CIB1: variants seen among roughly 807,000 people sequenced by gnomAD.
The protein encoded by CIB1 is calcium and integrin-binding protein 1.
CIB1 carries 19 observed loss-of-function variants against 25.0 expected under a neutral mutation model. That is an observed-to-expected ratio of 0.76 (90% CI 0.53 to 1.12). The LOEUF (loss-of-function observed/expected upper bound fraction) is 1.12. Among genes scored for constraint, CIB1 ranks in the 50% most tolerant of loss-of-function variants. CIB1 has a pLI of 0.00. For synonymous variants in CIB1, 104 were observed against 98.5 expected, an observed-to-expected ratio of 1.06 and a Z score of -0.33; for missense variants, 236 against 242.6, an observed-to-expected ratio of 0.97 and a Z score of 0.18.
At chr15:90,256,652 C>A in the CIB1 span, among the ~76,000 whole-genome samples, 1 of 135,404 alleles carries the variant, frequency 7.4e-6, no homozygotes, top group Non-Finnish European at 1.6e-5. Flanking sequence ...TTTCTTTCTC[C>A]CTTTCCTTCC....
Position 90,231,423 on chromosome 15 carries a change from G to C in CIB1, c.280C>G (p.Leu94Val). The change falls in exon 4 of 7, where the codon CTC becomes GTC. Residue 94 changes from leucine to valine, a missense_variant. Leu to Val is a conservative substitution (Grantham distance 32). Coordinates refer to ENST00000328649, the MANE Select transcript of CIB1 (RefSeq NM_006384.4). ...GCTGTGTCACTGAACACACTGAGGA[G>C]ATCCAGGAAGTCCTCAAAGCTAAGG... ...DSLSFEDFLD[L>V]LSVFSDTATP... 6.2e-7 allele frequency: 1 copy of C among 1,614,220 alleles called. No individual in the cohort carries two copies. Among genetic ancestry groups the C allele is most frequent in the Non-Finnish European group, 8.5e-7 (1 of 1,180,020 alleles).
At chr15:90,244,138 A>T in the CIB1 span, 1 of 152,156 alleles carries the variant, frequency 6.6e-6, no homozygotes, top group African/African-American at 2.4e-5. Context: ...TGGAGTCGGG[A>T]CTGCAGCACA....
At chr15:90,234,916 AGGAGGAAGT>A (rs890142141), upstream of CIB1, among the ~76,000 whole-genome samples, 40 of 152,330 alleles carry the variant, frequency 2.6e-4, no homozygotes, top group African/African-American at 9.4e-4. Context: ...AACTGCTGGG[AGGAGGAAGT>A]GGAGGTTGTG....
chr15:90,238,114 A>C (rs1474596086), upstream of CIB1, among the ~76,000 whole-genome samples: 1 of 152,156 alleles, frequency 6.6e-6, no homozygotes, highest in Non-Finnish European at 1.5e-5. Context: ...AGCCTGGCCA[A>C]CATGGTGAAA....
chr15:90,260,850 C>CAAAAA, the CIB1 span, among the ~76,000 whole-genome samples: 5 of 60,246 alleles, frequency 8.3e-5, no homozygotes, highest in African/African-American at 2.6e-4. Flanking sequence ...GACTCTGTCT[C>CAAAAA]AAAAAAAAAA....
At chr15:90,230,749 G>A (rs1488306139) in intron 6 of CIB1, among the ~76,000 whole-genome samples, 185 bp downstream of exon 6, 2 of 152,110 alleles carry the variant, frequency 1.3e-5, no homozygotes, top group South Asian at 2.1e-4. Context: ...GCAGTGGGAA[G>A]GGGAGAGGTC....
the CIB1 span, chr15:90,241,731 C>T: frequency 3.7e-6 from 6 of 1,614,096 alleles, no homozygotes; most frequent in Non-Finnish European, 5.1e-6. Context: ...CAGGGTATGT[C>T]GGGCCACTGA....
chr15:90,247,935 G>A, the CIB1 span, among the ~76,000 whole-genome samples: 8 of 151,778 alleles, frequency 5.3e-5, no homozygotes, highest in Non-Finnish European at 1.2e-4. Flanking sequence ...TAGAGAGGGG[G>A]TTTCACCGTG....
chr15:90,250,018 T>G, the CIB1 span, among the ~76,000 whole-genome samples: 1 of 151,844 alleles, frequency 6.6e-6, no homozygotes, highest in Admixed American at 6.6e-5. Context: ...AGTGCAGTGG[T>G]GTGATCTCGG....
chr15:90,247,147 TG>T, the CIB1 span, among the ~76,000 whole-genome samples: 1 of 151,324 alleles, frequency 6.6e-6, no homozygotes, highest in African/African-American at 2.5e-5. Context: ...AGCTAATTTT[TG>T]TATTTTTAGT....
At chr15:90,243,113 G>A in the CIB1 span, 4 of 152,210 alleles carry the variant, frequency 2.6e-5, no homozygotes, top group East Asian at 1.9e-4. Context: ...ATGTTAGCAC[G>A]GTAATAGTGC....
chr15:90,253,213 T>C, the CIB1 span: 1 of 1,565,110 alleles, frequency 6.4e-7, no homozygotes, highest in Non-Finnish European at 8.8e-7. Context: ...GTTGCTGGTG[T>C]CCATGCTGGC....
upstream of CIB1, chr15:90,234,146 A>C: frequency 1.1e-4 from 24 of 221,138 alleles, no homozygotes; most frequent in South Asian, 1.7e-4. Context: ...CCCGGGACTC[A>C]CGGCCCCGCC....
chr15:90,247,210 G>A, the CIB1 span, among the ~76,000 whole-genome samples: 7 of 151,234 alleles, frequency 4.6e-5, 1 homozygote, highest in South Asian at 8.3e-4. Context: ...TCCTGACCTC[G>A]TGATCCACCT....
At chr15:90,258,083 C>A in the CIB1 span, 1 of 1,614,220 alleles carries the variant, frequency 6.2e-7, no homozygotes, top group Non-Finnish European at 8.5e-7. Context: ...ACAGCTACAA[C>A]CCTGGAGAGC....
At chr15:90,258,689 C>A in the CIB1 span, 1 of 1,448,196 alleles carries the variant, frequency 6.9e-7, no homozygotes, top group Non-Finnish European at 9.7e-7. Flanking sequence ...TGCAAGAGGC[C>A]ACCACCTGCT....
chr15:90,257,792 C>G, the CIB1 span: 7 of 1,477,270 alleles, frequency 4.7e-6, no homozygotes, highest in Non-Finnish European at 5.7e-6. Context: ...CCCATGAAAC[C>G]AAGCTGGCTC....
At chr15:90,238,267 T>C (rs1276053669), upstream of CIB1, among the ~76,000 whole-genome samples, 1 of 152,218 alleles carries the variant, frequency 6.6e-6, no homozygotes, top group African/African-American at 2.4e-5. Flanking sequence ...GCCACTGCAC[T>C]GCAGCCTGGC....
chr15:90,255,855 T>C, the CIB1 span: 5 of 1,614,156 alleles, frequency 3.1e-6, no homozygotes, highest in African/African-American at 5.3e-5. Context: ...GAGTACAACA[T>C]CTTCCCCCGC....
Sources: allele counts gnomAD v4.1 joint callset (sites outside exome capture counted in the v4.1 genomes callset), GRCh38; gene constraint gnomAD v4.1.1; transcripts MANE v1.5; gene names NCBI Gene and HGNC (gene_info 2026-07-23, HGNC 2026-07-21).